Variants in DNAH12 observed in about 807,000 individuals in gnomAD.
DNAH12 encodes the protein dynein axonemal heavy chain 12.
DNAH12 carries 285 observed loss-of-function variants against 371.5 expected under a neutral mutation model. That is an observed-to-expected ratio of 0.77 (90% CI 0.70 to 0.85). The LOEUF (loss-of-function observed/expected upper bound fraction) is 0.85. Ranked by LOEUF, DNAH12 falls within the 40% of genes least tolerant of loss-of-function variation. DNAH12 has a pLI of 0.00. For missense variants in DNAH12, 3,611 were observed against 3,689.4 expected, an observed-to-expected ratio of 0.98 and a Z score of 0.55; for synonymous variants, 1,200 against 1,213.0, an observed-to-expected ratio of 0.99 and a Z score of 0.22.
chr3:57,437,464 T>C (rs1468232419), intron 29 of DNAH12, among the ~76,000 whole-genome samples: 1 of 152,218 alleles, frequency 6.6e-6, no homozygotes, highest in Non-Finnish European at 1.5e-5. Flanking sequence ...GTACTTTGGA[T>C]GCAAATAAAT....
intron 65 of DNAH12, among the ~76,000 whole-genome samples, chr3:57,319,447 T>C (rs1449084988): frequency 6.6e-6 from 1 of 152,232 alleles, no homozygotes; most frequent in African/African-American, 2.4e-5. Context: ...ATGCCTTCTT[T>C]CTGATCTTAC....
chr3:57,548,611 G>C (rs1296970339), upstream of DNAH12, among the ~76,000 whole-genome samples: 5 of 152,036 alleles, frequency 3.3e-5, no homozygotes, highest in East Asian at 7.7e-4. Flanking sequence ...CAGACTGAGG[G>C]GGGAGGATCA....
At position 57,293,792 on chromosome 3, in the gene DNAH12, A is replaced by G. The variant is rs1375010260; in HGVS notation, c.11872T>C (p.Leu3958=). The change falls in exon 74 of 74, where the codon TTG becomes CTG. Residue 3958 remains leucine, a synonymous_variant. Coordinates refer to ENST00000495027, the MANE Select transcript of DNAH12 (RefSeq NM_001366028.2). Reference sequence around the variant, plus strand: ...TAAATTTGTCCAATTTAGTCATCCAACTGACAAAGCAAAGCAACCCCGCGC... The same window carrying G: ...TAAATTTGTCCAATTTAGTCATCCAGCTGACAAAGCAAAGCAACCCCGCGC... The part of the protein sequence containing the change: ...IKRGVALLCQ[L]DD 1.9e-6 allele frequency: 3 copies of G among 1,550,140 alleles called. No individual in the cohort carries two copies. In the Admixed American group the frequency reaches 5.9e-5, roughly 31 times the overall value.
chr3:57,424,712 G>A (rs1559643830), intron 35 of DNAH12, among the ~76,000 whole-genome samples: 2 of 151,704 alleles, frequency 1.3e-5, no homozygotes, highest in Non-Finnish European at 2.9e-5. Context: ...GGGGAGGTGG[G>A]GGGTGGAGGT....
chr3:57,328,219 G>A (rs2061997529), intron 62 of DNAH12, among the ~76,000 whole-genome samples: 1 of 151,414 alleles, frequency 6.6e-6, no homozygotes, highest in African/African-American at 2.4e-5. Context: ...TATGAGGCCA[G>A]CATCATCCTG....
chr3:57,467,222 G>T (rs760626596), intron 17 of DNAH12, among the ~76,000 whole-genome samples: 36 of 152,206 alleles, frequency 2.4e-4, no homozygotes, highest in Middle Eastern at 3.4e-3. Context: ...GGGTTCAAAT[G>T]ATTCTCCTCC....
At chr3:57,346,300 G>T (rs931005226) in intron 60 of DNAH12, among the ~76,000 whole-genome samples, 1 of 152,098 alleles carries the variant, frequency 6.6e-6, no homozygotes, top group African/African-American at 2.4e-5. Flanking sequence ...TATAAGGCAC[G>T]GGGGAGGGGA....
rs140872360 is a variant in DNAH12, at chr3:57,478,996, C to G, written c.1650+4380G>C. The stretch of plus-strand genomic sequence containing the variant: ...TGCCAAATTGTAAAGACCATCGAGG[C>G]TAGGAAGAAACTGCATCAAGTAACG... On this transcript the variant is annotated intron_variant, in intron 13 of 73. Coordinates refer to ENST00000495027, the MANE Select transcript of DNAH12 (RefSeq NM_001366028.2). Among the ~76,000 whole-genome samples, 77 of 152,246 alleles carry G rather than the reference C, an allele frequency of 5.1e-4. No individual in the cohort carries two copies. The East Asian group carries it at 0.011, about 21-fold the overall frequency.
chr3:57,317,629 G>A (rs1478374035), intron 65 of DNAH12, among the ~76,000 whole-genome samples: 1 of 152,108 alleles, frequency 6.6e-6, no homozygotes, highest in African/African-American at 2.4e-5. Flanking sequence ...GAATGGTGCT[G>A]CAATGAACAC....
intron 69 of DNAH12, among the ~76,000 whole-genome samples, chr3:57,304,913 G>A (rs888606138): frequency 6.6e-6 from 1 of 151,824 alleles, no homozygotes; most frequent in Non-Finnish European, 1.5e-5. Flanking sequence ...CTCTGGGCTT[G>A]CCTCCTTCAC....
chr3:57,302,529 G>GTTTTTA lies in DNAH12; in HGVS notation c.11190-591_11190-590insTAAAAA, dbSNP rs879293648. Among the ~76,000 whole-genome samples, 24 of 47,852 alleles carry GTTTTTA rather than the reference G, an allele frequency of 5.0e-4. 2 individuals are homozygous for GTTTTTA. The highest frequency in any genetic ancestry group is 1.6e-3 in the African/African-American group (19 of 11,766). The allele number at this position is 47,852 out of a possible 152,430, so 31.4% of individuals were successfully genotyped here. A position where few individuals can be genotyped will look rare whatever the true frequency, so the allele number is the denominator to read the frequency against. ...TGCTGAATTAACTAAGGCATCAGGT[G>GTTTTTA]TATATATATATATATATATATATAT... On this transcript the variant is annotated intron_variant, in intron 69 of 73. Transcript: ENST00000495027.
At chr3:57,364,409 C>G (rs1262268893) in intron 57 of DNAH12, among the ~76,000 whole-genome samples, 5 of 152,066 alleles carry the variant, frequency 3.3e-5, no homozygotes, top group African/African-American at 1.2e-4. Flanking sequence ...CTTGATAATG[C>G]TACATTTAGA....
intron 2 of DNAH12, among the ~76,000 whole-genome samples, chr3:57,538,245 G>T (rs1407213771): frequency 6.6e-6 from 1 of 152,080 alleles, no homozygotes; most frequent in Non-Finnish European, 1.5e-5. Flanking sequence ...AACATATCCA[G>T]GAAAATAAAA....
intron 60 of DNAH12, among the ~76,000 whole-genome samples, chr3:57,349,713 G>A (rs192820042): frequency 3.4e-4 from 51 of 152,176 alleles, no homozygotes; most frequent in Non-Finnish European, 5.6e-4. Flanking sequence ...ATTTTGAGAC[G>A]GAGTCCCACT....
Position 57,425,069 on chromosome 3 carries a change from C to T in DNAH12, c.5326G>A (p.Val1776Met), listed in dbSNP as rs1302528964. ...TTGCTAGTAGGATCATTTTCTACCACATTGCAAAGTAGCACTTCAAAGAGG... is the reference window on the plus strand; with the variant it reads ...TTGCTAGTAGGATCATTTTCTACCATATTGCAAAGTAGCACTTCAAAGAGG... ...TRLFEVLLCN[V>M]VENDPTSKHI... The change falls in exon 35 of 74, where the codon GTG (valine) becomes ATG (methionine). Residue 1776 changes from valine (V) to methionine (M), a missense_variant. Transcript: ENST00000495027. The T allele has an allele frequency of 1.4e-6, 1 of 702,768 alleles. No homozygotes were observed. The highest frequency in any genetic ancestry group is 2.0e-5 in the Admixed American group (1 of 49,994). 43.5% of individuals were successfully genotyped at this position (702,768 alleles called of 1,614,324 possible). A position where few individuals can be genotyped will look rare whatever the true frequency, so the allele number is the denominator to read the frequency against.
At chr3:57,461,018 C>T (rs2066039914) in intron 19 of DNAH12, among the ~76,000 whole-genome samples, 1 of 152,098 alleles carries the variant, frequency 6.6e-6, no homozygotes. Flanking sequence ...GTTTTCATAT[C>T]CAATAAGATA....
intron 66 of DNAH12, 97 bp from the exon 67 acceptor site, chr3:57,311,047 A>T (rs1259934823): frequency 1.1e-6 from 1 of 872,178 alleles, no homozygotes; most frequent in Admixed American, 2.5e-5. Flanking sequence ...GGGGGTTGAA[A>T]GAATTATCAT....
intron 12 of DNAH12, among the ~76,000 whole-genome samples, chr3:57,487,054 T>C (rs2066943354): frequency 6.6e-6 from 1 of 152,086 alleles, no homozygotes; most frequent in South Asian, 2.1e-4. Context: ...AAGCTTGGCA[T>C]ACTTTAGGAA....
At chr3:57,336,320 A>C (rs2062220666) in intron 60 of DNAH12, among the ~76,000 whole-genome samples, 1 of 152,244 alleles carries the variant, frequency 6.6e-6, no homozygotes, top group South Asian at 2.1e-4. Flanking sequence ...GAAAGAGATA[A>C]TTTAACTAGC....
Sources: gnomAD v4.1 joint callset for allele counts (sites outside exome capture counted in the v4.1 genomes callset) on GRCh38, gnomAD v4.1.1 for gene constraint, MANE v1.5 for transcripts, NCBI Gene and HGNC (gene_info 2026-07-23, HGNC 2026-07-21) for gene names.